Variants in SEC31A observed in about 807,000 individuals in gnomAD.
SEC31A encodes the protein protein transport protein Sec31A.
SEC31A carries 70 observed loss-of-function variants against 151.0 expected under a neutral mutation model. That is an observed-to-expected ratio of 0.46 (90% CI 0.38 to 0.57). SEC31A has a LOEUF of 0.57. Among genes scored for constraint, SEC31A ranks in the 20% least tolerant of loss-of-function variants. The pLI, the probability that SEC31A is intolerant of heterozygous loss-of-function variation, is 0.00. For missense variants in SEC31A, 1,330 were observed against 1,471.2 expected, an observed-to-expected ratio of 0.90 and a Z score of 1.57; for synonymous variants, 475 against 505.9, an observed-to-expected ratio of 0.94 and a Z score of 0.82.
intron 18 of SEC31A, among the ~76,000 whole-genome samples, chr4:82,851,980 G>A (rs977428678): frequency 2.6e-5 from 4 of 152,180 alleles, no homozygotes; most frequent in African/African-American, 4.8e-5. Flanking sequence ...GATATGGTTT[G>A]GTTGTGTCCC....
intron 26 of SEC31A, among the ~76,000 whole-genome samples, chr4:82,819,593 A>G (rs1200934919): frequency 6.6e-6 from 1 of 152,164 alleles, no homozygotes; most frequent in African/African-American, 2.4e-5. Flanking sequence ...TCTCCTATGC[A>G]CAAAAAGGAG....
chr4:82,854,015 C>T (rs771032192), intron 17 of SEC31A, among the ~76,000 whole-genome samples: 4 of 152,022 alleles, frequency 2.6e-5, no homozygotes, highest in Non-Finnish European at 5.9e-5. Context: ...ACCCTAAAGG[C>T]ACATTTGGAA....
At chr4:82,892,159 C>T (rs1412721851), upstream of SEC31A, among the ~76,000 whole-genome samples, 1 of 152,168 alleles carries the variant, frequency 6.6e-6, no homozygotes, top group Non-Finnish European at 1.5e-5. Flanking sequence ...ATAATGAACC[C>T]AACTTTTACT....
At chr4:82,852,811 T>C (rs1038735847) in intron 18 of SEC31A, among the ~76,000 whole-genome samples, 3 of 152,188 alleles carry the variant, frequency 2.0e-5, no homozygotes, top group Non-Finnish European at 4.4e-5. Context: ...CCCAACCTAT[T>C]TGGCACCAGG....
At chr4:82,850,950 T>C (rs1220930138) in intron 19 of SEC31A, among the ~76,000 whole-genome samples, 3 of 152,202 alleles carry the variant, frequency 2.0e-5, no homozygotes, top group Admixed American at 6.5e-5. Flanking sequence ...CTGCTCTGAA[T>C]ACATAAAAAT....
intron 8 of SEC31A, 32 bp downstream of exon 8, chr4:82,870,293 C>A (rs150478532): frequency 7.2e-6 from 11 of 1,535,392 alleles, no homozygotes; most frequent in Middle Eastern, 1.7e-4. Flanking sequence ...ACTATAAGGG[C>A]TACAAGGTTG....
At chr4:82,884,777 A>C (rs1017838476) in intron 1 of SEC31A, among the ~76,000 whole-genome samples, 5 of 152,196 alleles carry the variant, frequency 3.3e-5, no homozygotes, top group Admixed American at 3.3e-4. Flanking sequence ...CCTAGAAAGA[A>C]GGGGTGCTCT....
At chr4:82,892,261 C>T (rs1318810115), upstream of SEC31A, among the ~76,000 whole-genome samples, 1 of 152,228 alleles carries the variant, frequency 6.6e-6, no homozygotes, top group Non-Finnish European at 1.5e-5. Context: ...GCTAGTCAAA[C>T]TGATTGGGAT....
chr4:82,820,462 G>C (rs999055208), intron 26 of SEC31A, among the ~76,000 whole-genome samples: 2 of 152,154 alleles, frequency 1.3e-5, no homozygotes, highest in South Asian at 2.1e-4. Flanking sequence ...TCCTTTCCTA[G>C]TGCTTTCATT....
At chr4:82,894,678 T>C (rs1719988560), upstream of SEC31A, 1 of 152,270 alleles carries the variant, frequency 6.6e-6, no homozygotes, top group African/African-American at 2.4e-5. Flanking sequence ...TTTGGAGCAC[T>C]GTCCCTATCA....
At chr4:82,879,743 G>A (rs1047708068) in intron 3 of SEC31A, among the ~76,000 whole-genome samples, 1 of 152,110 alleles carries the variant, frequency 6.6e-6, no homozygotes, top group African/African-American at 2.4e-5. Context: ...ATATATTGAG[G>A]CAATAAAGCT....
At chr4:82,857,407 A>T (rs1366129720) in intron 15 of SEC31A, among the ~76,000 whole-genome samples, 1 of 152,176 alleles carries the variant, frequency 6.6e-6, no homozygotes, top group African/African-American at 2.4e-5. Context: ...CAGCCTTCCC[A>T]AGGCACTGAT....
chr4:82,850,625 C>T (rs2149347964), intron 19 of SEC31A, among the ~76,000 whole-genome samples: 1 of 152,272 alleles, frequency 6.6e-6, no homozygotes, highest in South Asian at 2.1e-4. Context: ...CCATCAGACA[C>T]AAAATGCAGA....
Position 82,872,047 on chromosome 4 carries a change from T to C in SEC31A, c.679A>G (p.Thr227Ala). The change falls in exon 7 of 27, where the codon ACT becomes GCT. Residue 227 changes from threonine to alanine, a missense_variant. Coordinates refer to ENST00000395310, the MANE Select transcript of SEC31A (RefSeq NM_001077207.4). ...TCCTCGGAGGCAAGGACCATCTGAG[T>C]AGCAACATCAGGATGCCATGCCAAC... is the stretch of plus-strand genomic sequence containing the variant. The part of the protein sequence containing the change: ...SGLAWHPDVA[T>A]QMVLASEDDR... 1 of 1,614,072 alleles carries C rather than the reference T, an allele frequency of 6.2e-7. No individual in the cohort carries two copies. Among genetic ancestry groups the C allele is most frequent in the Non-Finnish European group, 8.5e-7 (1 of 1,179,974 alleles).
intron 1 of SEC31A, among the ~76,000 whole-genome samples, chr4:82,882,878 G>T (rs946056819): frequency 6.6e-6 from 1 of 152,222 alleles, no homozygotes; most frequent in Non-Finnish European, 1.5e-5. Context: ...AGCACTTTGG[G>T]AGGACGAGGC....
intron 1 of SEC31A, among the ~76,000 whole-genome samples, chr4:82,884,994 T>C (rs1740352751): frequency 6.6e-6 from 1 of 152,238 alleles, no homozygotes; most frequent in Non-Finnish European, 1.5e-5. Flanking sequence ...TGTTATTTAA[T>C]AGTTATTTGG....
intron 22 of SEC31A, among the ~76,000 whole-genome samples, chr4:82,835,974 C>T (rs964802687): frequency 6.6e-6 from 1 of 152,056 alleles, no homozygotes; most frequent in Non-Finnish European, 1.5e-5. Flanking sequence ...GCATTCCTGG[C>T]GGGAACGTAA....
rs549906917 is a variant in SEC31A, at chr4:82,848,220, T to A, written c.2502+584A>T. ...TTTTATGACACCAAACATTTGGTAA[T>A]TTAAATAAAATTATTAGTTCTTTTC... is the stretch of plus-strand genomic sequence containing the variant. On this transcript the variant is annotated intron_variant, in intron 20 of 26. Transcript: ENST00000395310. 4.6e-5 allele frequency among the ~76,000 whole-genome samples: 7 copies of A among 152,156 alleles called. No individual in the cohort carries two copies. In the South Asian group the frequency reaches 6.2e-4, roughly 14 times the overall value.
At chr4:82,827,265 T>C (rs912868324) in intron 24 of SEC31A, 104 bp downstream of exon 24, 2 of 1,295,488 alleles carry the variant, frequency 1.5e-6, no homozygotes, top group Admixed American at 2.2e-5. Flanking sequence ...TTAGGTTGTC[T>C]AGATGTTTAA....
Sources: allele counts gnomAD v4.1 joint callset (sites outside exome capture counted in the v4.1 genomes callset), GRCh38; gene constraint gnomAD v4.1.1; transcripts MANE v1.5; gene names NCBI Gene and HGNC (gene_info 2026-07-23, HGNC 2026-07-21).